The following SEMA3E variants were observed in gnomAD, a reference collection of about 807,000 sequenced individuals.
The protein encoded by SEMA3E is semaphorin-3E.
Under a neutral mutation model 93.6 loss-of-function variants are expected in SEMA3E, and 49 were observed. That is an observed-to-expected ratio of 0.52 (90% CI 0.42 to 0.66). The LOEUF (loss-of-function observed/expected upper bound fraction) is 0.66. Among genes scored for constraint, SEMA3E ranks in the 30% least tolerant of loss-of-function variants. The pLI, the probability that SEMA3E is intolerant of heterozygous loss-of-function variation, is 0.00. For missense variants in SEMA3E, 906 were observed against 964.8 expected (o/e 0.94, Z 0.81); for synonymous variants, 363 against 330.7 (o/e 1.10, Z -1.06).
chr7:83,600,513 T>A (rs1157074744), intron 1 of SEMA3E, among the ~76,000 whole-genome samples: 20 of 118,328 alleles, frequency 1.7e-4, no homozygotes, highest in East Asian at 5.1e-4. Context: ...TTTTTTTTTT[T>A]TTTTTTTGTA....
At chr7:83,601,314 C>G (rs531297913) in intron 1 of SEMA3E, among the ~76,000 whole-genome samples, 65 of 152,308 alleles carry the variant, frequency 4.3e-4, no homozygotes, top group African/African-American at 1.5e-3. Flanking sequence ...CAAGAGTCAA[C>G]AGACTTCAGT....
In SEMA3E at chr7:83,611,299, TTA is replaced by T. The variant is rs944171842; in HGVS notation, c.115+37127_115+37128del. Among the ~76,000 whole-genome samples, 337 of 144,058 alleles carry T rather than the reference TTA, an allele frequency of 2.3e-3. 3 individuals are homozygous for T. Among genetic ancestry groups the T allele is most frequent in the Middle Eastern group, 0.018 (5 of 276 alleles). The allele number at this position is 144,058 out of a possible 152,430, so 94.5% of individuals were successfully genotyped here. The stretch of plus-strand genomic sequence containing the variant: ...ATATATTATATATTAAATTTATATA[TTA>T]TATATATAAATTTATGTATAATATA... On this transcript the variant is annotated intron_variant, in intron 1 of 16. Transcript: ENST00000643230.
At chr7:83,406,324 C>T (rs1442880316) in intron 7 of SEMA3E, among the ~76,000 whole-genome samples, 1 of 151,888 alleles carries the variant, frequency 6.6e-6, no homozygotes, top group Non-Finnish European at 1.5e-5. Context: ...AATATTAATA[C>T]TGCAAACTCT....
Position 83,615,284 on chromosome 7 carries a change from G to A in SEMA3E, c.115+33144C>T, listed in dbSNP as rs1009061169. Among the ~76,000 whole-genome samples the A allele has an allele frequency of 3.9e-5, 6 of 152,062 alleles. No individual in the cohort carries two copies. The East Asian group carries it at 7.7e-4, about 20-fold the overall frequency. ...TGATTCCTCCAAATAATTCTAAAAT[G>A]TAAATATACAAATTGTACAGTTTAC... On this transcript the variant is annotated intron_variant, in intron 1 of 16. Coordinates refer to ENST00000643230, the MANE Select transcript of SEMA3E (RefSeq NM_012431.3).
intron 5 of SEMA3E, among the ~76,000 whole-genome samples, chr7:83,409,915 C>T (rs2709956): frequency 0.49 from 74,637 of 150,988 alleles, 21,292 homozygotes; most frequent in African/African-American, 0.79. Flanking sequence ...ATATATAAGA[C>T]AAATTAAAAG....
At chr7:83,467,816 A>G (rs1789803710) in intron 3 of SEMA3E, among the ~76,000 whole-genome samples, 1 of 152,246 alleles carries the variant, frequency 6.6e-6, no homozygotes, top group Admixed American at 6.5e-5. Context: ...TTAATTGAGC[A>G]CAGCACCTAA....
chr7:83,501,172 C>T (rs1213846797), intron 1 of SEMA3E, among the ~76,000 whole-genome samples: 4 of 152,108 alleles, frequency 2.6e-5, no homozygotes, highest in Admixed American at 6.5e-5. Flanking sequence ...GTTACTTCAT[C>T]ATTAATTCAC....
chr7:83,612,481 T>G (rs148034061), intron 1 of SEMA3E: 34 of 152,176 alleles, frequency 2.2e-4, no homozygotes, highest in African/African-American at 7.5e-4. Flanking sequence ...ATCTTACAAA[T>G]GAAGAACTGA....
chr7:83,612,403 T>C (rs1356333408), intron 1 of SEMA3E, among the ~76,000 whole-genome samples: 1 of 152,108 alleles, frequency 6.6e-6, no homozygotes, highest in African/African-American at 2.4e-5. Context: ...TGGCAGGCAC[T>C]GTGATAGAAA....
chr7:83,403,945 G>T (rs1187824042), intron 9 of SEMA3E, among the ~76,000 whole-genome samples: 1 of 151,768 alleles, frequency 6.6e-6, no homozygotes, highest in Non-Finnish European at 1.5e-5. Flanking sequence ...AATTATAGAA[G>T]AAAATAATGT....
chr7:83,393,671 A>G (rs1788064412), intron 13 of SEMA3E, among the ~76,000 whole-genome samples: 1 of 152,196 alleles, frequency 6.6e-6, no homozygotes, highest in African/African-American at 2.4e-5. Context: ...AACATTTAAT[A>G]TAATATCTTT....
intron 1 of SEMA3E, among the ~76,000 whole-genome samples, chr7:83,585,163 A>C (rs1283157962): frequency 6.6e-6 from 1 of 152,068 alleles, no homozygotes; most frequent in Non-Finnish European, 1.5e-5. Flanking sequence ...CTGTGCTTCT[A>C]CCTCTGCAAC....
At chr7:83,647,471 C>T (rs1794094352) in intron 1 of SEMA3E, among the ~76,000 whole-genome samples, 1 of 152,074 alleles carries the variant, frequency 6.6e-6, no homozygotes, top group Non-Finnish European at 1.5e-5. Flanking sequence ...GTGTCAATGG[C>T]TAGTGATAAT....
At chr7:83,578,411 C>A (rs561637252) in intron 1 of SEMA3E, among the ~76,000 whole-genome samples, 1 of 152,118 alleles carries the variant, frequency 6.6e-6, no homozygotes, top group South Asian at 2.1e-4. Flanking sequence ...CAAAAATTAG[C>A]CAGGTATGGT....
intron 4 of SEMA3E, among the ~76,000 whole-genome samples, chr7:83,462,738 C>CT (rs1176105043): frequency 1.4e-5 from 2 of 145,712 alleles, no homozygotes; most frequent in African/African-American, 5.2e-5. Context: ...ATAAACTCTC[C>CT]TTACAATTCC....
chr7:83,503,466 C>T (rs1286952049), intron 1 of SEMA3E, among the ~76,000 whole-genome samples: 4 of 152,202 alleles, frequency 2.6e-5, no homozygotes, highest in African/African-American at 9.6e-5. Flanking sequence ...TTTATTCTTA[C>T]TATTACTATT....
chr7:83,544,279 A>T (rs996582537), intron 1 of SEMA3E, among the ~76,000 whole-genome samples: 1 of 152,118 alleles, frequency 6.6e-6, no homozygotes, highest in Non-Finnish European at 1.5e-5. Flanking sequence ...GATAATTGAG[A>T]AGTACAGTGC....
At chr7:83,513,232 G>C (rs1790859702) in intron 1 of SEMA3E, among the ~76,000 whole-genome samples, 1 of 152,144 alleles carries the variant, frequency 6.6e-6, no homozygotes, top group Non-Finnish European at 1.5e-5. Context: ...ATGAAGCAGT[G>C]GTAGTCAGTT....
intron 1 of SEMA3E, among the ~76,000 whole-genome samples, chr7:83,568,592 TACATA>T (rs368466295): frequency 9.3e-4 from 141 of 152,260 alleles, no homozygotes; most frequent in African/African-American, 3.2e-3. Context: ...ATAATCATAA[TACATA>T]ACATCGGTAG....
Sources: gnomAD v4.1 joint callset for allele counts (sites outside exome capture counted in the v4.1 genomes callset) on GRCh38, gnomAD v4.1.1 for gene constraint, MANE v1.5 for transcripts, NCBI Gene and HGNC (gene_info 2026-07-23, HGNC 2026-07-21) for gene names.